CD8B: variants seen among roughly 807,000 people sequenced by gnomAD.
CD8B encodes CD8 subunit beta.
CD8B carries 6 observed loss-of-function variants against 24.2 expected under a neutral mutation model. The ratio of observed to expected loss-of-function variants is 0.25; its 90% CI spans 0.14 to 0.49. CD8B has a LOEUF of 0.49. Ranked by LOEUF, CD8B falls within the 20% of genes least tolerant of loss-of-function variation. The pLI, the probability that CD8B is intolerant of heterozygous loss-of-function variation, is 0.98. For missense variants in CD8B, 196 were observed against 271.3 expected, an observed-to-expected ratio of 0.72 and a Z score of 1.95; for synonymous variants, 84 against 108.3, an observed-to-expected ratio of 0.78 and a Z score of 1.39.
chr2:86,855,493 A>C (rs570909881), intron 2 of CD8B, among the ~76,000 whole-genome samples: 29 of 152,352 alleles, frequency 1.9e-4, no homozygotes, highest in African/African-American at 6.5e-4. Context: ...CTGCAGAGCC[A>C]GTATCTGCAC....
At chr2:86,834,975 T>C (rs1162920538), downstream of CD8B, among the ~76,000 whole-genome samples, 2 of 144,118 alleles carry the variant, frequency 1.4e-5, no homozygotes, top group Non-Finnish European at 3.0e-5. Context: ...AGCGTTCCCC[T>C]GCACCCGCCC....
intron 5 of CD8B, among the ~76,000 whole-genome samples, chr2:86,825,775 G>T (rs1427849988): frequency 6.6e-6 from 1 of 152,188 alleles, no homozygotes; most frequent in Non-Finnish European, 1.5e-5. Flanking sequence ...AGGCTCTAAG[G>T]GGGGCATGGG....
At chr2:86,844,504 T>A in intron 5 of CD8B, 1 of 559,154 alleles carries the variant, frequency 1.8e-6, no homozygotes, top group Admixed American at 3.4e-5. Flanking sequence ...TCTGCGGTAT[T>A]CTGTGCATGC....
chr2:86,848,701 ATTAT>A (rs55752237), intron 3 of CD8B, among the ~76,000 whole-genome samples: 12 of 58,888 alleles, frequency 2.0e-4, no homozygotes, highest in Non-Finnish European at 3.0e-4. Context: ...GTATTTTTAA[ATTAT>A]TTATTTATTT....
intron 3 of CD8B, among the ~76,000 whole-genome samples, chr2:86,848,705 T>TTATTTATTTATTTATTTAA (rs1553436942): frequency 9.1e-5 from 3 of 32,870 alleles, no homozygotes; most frequent in East Asian, 1.7e-3. Context: ...TTTTAAATTA[T>TTATTTATTTATTTATTTAA]TTATTTATTT....
In CD8B at chr2:86,839,655, G is replaced by A. The variant is rs1675328694; in HGVS notation, c.*2652C>T. ...CCTGCTGCACAGAAAACTGACAGAGGAGCGCAAACCACCCCTGCCCCCAGC... is the reference window on the plus strand; with the variant it reads ...CCTGCTGCACAGAAAACTGACAGAGAAGCGCAAACCACCCCTGCCCCCAGC... On this transcript the variant is annotated 3_prime_UTR_variant, in exon 6 of 6. Coordinates refer to ENST00000390655, the MANE Select transcript of CD8B (RefSeq NM_004931.5). 6.6e-6 allele frequency among the ~76,000 whole-genome samples: 1 copy of A among 152,234 alleles called. No individual in the cohort carries two copies. Among genetic ancestry groups the A allele is most frequent in the African/African-American group, 2.4e-5 (1 of 41,450 alleles).
At chr2:86,822,317 A>G (rs368173321) in intron 5 of CD8B, 9 of 1,542,210 alleles carry the variant, frequency 5.8e-6, no homozygotes, top group Non-Finnish European at 8.0e-6. Flanking sequence ...CAAAATGTTT[A>G]TACCTGTATA....
intron 2 of CD8B, among the ~76,000 whole-genome samples, chr2:86,854,227 G>C (rs1390989862): frequency 1.3e-5 from 2 of 152,076 alleles, no homozygotes; most frequent in Non-Finnish European, 2.9e-5. Flanking sequence ...TGAAGACCTT[G>C]AGCCCCAGGG....
chr2:86,846,842 C>T, intron 3 of CD8B, 69 bp from the exon 4 acceptor site: 1 of 941,580 alleles, frequency 1.1e-6, no homozygotes, highest in Non-Finnish European at 1.6e-6. Context: ...CAGAAAAATA[C>T]AAGGAGCGAA....
intron 5 of CD8B, chr2:86,833,142 C>T: frequency 7.6e-6 from 2 of 262,898 alleles, no homozygotes; most frequent in East Asian, 2.5e-4. Context: ...TTCCCTGCAT[C>T]CTGCTTTTCC....
At position 86,846,816 on chromosome 2, in the gene CD8B, T is replaced by G. The variant is rs532107245; in HGVS notation, c.494-43A>C. 1.1e-3 allele frequency: 1,556 copies of G among 1,388,792 alleles called. 27 individuals carry two copies. In the South Asian group the frequency reaches 0.018, roughly 16 times the overall value. 86.0% of individuals were successfully genotyped at this position (1,388,792 alleles called of 1,614,324 possible). On this transcript the variant is annotated intron_variant, in intron 3 of 5. Transcript: ENST00000390655. ...GACATGTGTTCAACACGGAACATTT[T>G]TCTGCATGAGACACGCAGAAAAATA...
exon 6 of CD8B, chr2:86,815,613 T>G: frequency 6.3e-7 from 1 of 1,596,620 alleles, no homozygotes; most frequent in Middle Eastern, 1.7e-4. Flanking sequence ...TTGCCTATGT[T>G]TTCAGGATCC....
chr2:86,850,106 T>A (rs1262022587), intron 3 of CD8B, among the ~76,000 whole-genome samples: 1 of 152,132 alleles, frequency 6.6e-6, no homozygotes. Context: ...AAGACCACTG[T>A]GGAGGCCAGC....
chr2:86,833,318 C>G (rs532405972), downstream of CD8B, among the ~76,000 whole-genome samples: 1 of 151,284 alleles, frequency 6.6e-6, no homozygotes, highest in Non-Finnish European at 1.5e-5. Flanking sequence ...CTCAGCCTCC[C>G]GAGTAGCTGG....
intron 3 of CD8B, 25 bp from the exon 4 acceptor site, chr2:86,846,798 G>A (rs115819014): frequency 0.19 from 291,837 of 1,497,108 alleles, 29,421 homozygotes; most frequent in Admixed American, 0.26. Context: ...TGTGACATGT[G>A]TTCAACACGG....
chr2:86,851,978 CTT>C (rs533627575), intron 3 of CD8B, among the ~76,000 whole-genome samples: 1 of 151,888 alleles, frequency 6.6e-6, no homozygotes, highest in African/African-American at 2.4e-5. Flanking sequence ...AAACTGGAAA[CTT>C]TTTTTTGAGA....
chr2:86,825,728 G>C (rs990033746), intron 5 of CD8B, among the ~76,000 whole-genome samples: 3 of 152,142 alleles, frequency 2.0e-5, no homozygotes, highest in Non-Finnish European at 4.4e-5. Context: ...TAAGTGTTGG[G>C]ACCCGTTCTT....
At chr2:86,837,522 A>C (rs1353240960), downstream of CD8B, among the ~76,000 whole-genome samples, 5 of 151,840 alleles carry the variant, frequency 3.3e-5, no homozygotes, top group Non-Finnish European at 5.9e-5. Flanking sequence ...CGACAGAGGA[A>C]ATATCTTTTG....
At chr2:86,833,639 C>CCCTCCCTCCCTCCCTTCCTTCCTT (rs559210826), downstream of CD8B, among the ~76,000 whole-genome samples, 45 of 75,998 alleles carry the variant, frequency 5.9e-4, no homozygotes, top group African/African-American at 1.1e-3. Context: ...CTCCCTCCCT[C>CCCTCCCTCCCTCCCTTCCTTCCTT]CCTTCCTTCC....
Sources: allele counts gnomAD v4.1 joint callset (sites outside exome capture counted in the v4.1 genomes callset), GRCh38; gene constraint gnomAD v4.1.1; transcripts MANE v1.5; gene names NCBI Gene and HGNC (gene_info 2026-07-23, HGNC 2026-07-21).